The following PLEKHA6 variants were observed in gnomAD, a reference collection of about 807,000 sequenced individuals.
PLEKHA6 encodes pleckstrin homology domain containing A6.
PLEKHA6 carries 60 observed loss-of-function variants against 116.7 expected under a neutral mutation model. The ratio of observed to expected loss-of-function variants is 0.51; its 90% CI spans 0.42 to 0.64. The LOEUF is 0.64. Among genes scored for constraint, PLEKHA6 ranks in the 30% least tolerant of loss-of-function variants. The probability of loss-of-function intolerance (pLI) is 0.00; values close to 1 mark genes in which losing one functional copy is unlikely to be tolerated. For synonymous variants in PLEKHA6, 489 were observed against 556.1 expected, an observed-to-expected ratio of 0.88 and a Z score of 1.70; for missense variants, 1,338 against 1,422.7, an observed-to-expected ratio of 0.94 and a Z score of 0.96.
At chr1:204,352,545 C>A (rs1558198000) in intron 1 of PLEKHA6, among the ~76,000 whole-genome samples, 1 of 152,142 alleles carries the variant, frequency 6.6e-6, no homozygotes. Context: ...AGCTGAGACC[C>A]GGCTTAAGGT....
intron 6 of PLEKHA6, among the ~76,000 whole-genome samples, chr1:204,263,069 T>G (rs1666338512): frequency 6.6e-6 from 1 of 151,982 alleles, no homozygotes; most frequent in Admixed American, 6.6e-5. Context: ...GGGGCACCAG[T>G]CACAAGGAAG....
intron 1 of PLEKHA6, among the ~76,000 whole-genome samples, chr1:204,326,299 T>G (rs77784538): frequency 6.4e-4 from 97 of 152,240 alleles, no homozygotes; most frequent in African/African-American, 2.1e-3. Context: ...GTGAAGCTTC[T>G]CCCTCCTGCC....
chr1:204,292,531 G>T (rs927401546), intron 1 of PLEKHA6, among the ~76,000 whole-genome samples: 3 of 151,402 alleles, frequency 2.0e-5, no homozygotes, highest in Non-Finnish European at 4.4e-5. Flanking sequence ...CCTGGCTGAC[G>T]CCCACCTATG....
rs182286866 is a variant in PLEKHA6 at position 204,336,054 on chromosome 1, T to G, written c.-95+23640A>C. 6.5e-3 allele frequency among the ~76,000 whole-genome samples: 995 copies of G among 152,280 alleles called. 6 individuals carry two copies. The highest frequency in any genetic ancestry group is 0.023 in the African/African-American group (948 of 41,536). ...CTGTACCTAATTCCATCTGGTCTTC[T>G]TCTGTCTCCAGTCACCAACTCTACC... On this transcript the variant is annotated intron_variant, in intron 1 of 22. Transcript: ENST00000272203.
At chr1:204,316,478 T>C (rs757650480) in intron 1 of PLEKHA6, among the ~76,000 whole-genome samples, 4 of 152,182 alleles carry the variant, frequency 2.6e-5, no homozygotes, top group Non-Finnish European at 4.4e-5. Context: ...TTGTTCCCAG[T>C]GCCTTTGCAG....
At chr1:204,343,486 G>A (rs1426042851) in intron 1 of PLEKHA6, among the ~76,000 whole-genome samples, 1 of 152,142 alleles carries the variant, frequency 6.6e-6, no homozygotes, top group Non-Finnish European at 1.5e-5. Flanking sequence ...GAAGCCAAGT[G>A]CAAACCCAGG....
chr1:204,223,938 C>G lies in PLEKHA6; in HGVS notation c.3032-353G>C, dbSNP rs1188194881. On this transcript the variant is annotated intron_variant, in intron 21 of 22. Transcript: ENST00000272203. This position sits in a 1 kb window ranked among gnomAD's most constrained non-coding sequence, Gnocchi z 4.8. ...GTGCAGACAGAACCAGGGAGTGGTACTTTATATACGGCAGTGTCACTAATG... is the reference window on the plus strand; with the variant it reads ...GTGCAGACAGAACCAGGGAGTGGTAGTTTATATACGGCAGTGTCACTAATG... Among the ~76,000 whole-genome samples the G allele has an allele frequency of 6.6e-6, 1 of 152,196 alleles. No individual in the cohort carries two copies. The highest frequency in any genetic ancestry group is 1.5e-5 in the Non-Finnish European group (1 of 68,038).
Position 204,249,227 on chromosome 1 carries a change from A to G in PLEKHA6, c.1631T>C (p.Val544Ala), listed in dbSNP as rs141122409. ...CTGCACCAGCCGGTCCTGCTCCCTC[A>G]CCACCTTGTTCTGCTCACACAATTT... is the stretch of plus-strand genomic sequence containing the variant. ...LGKLCEQNKV[V>A]REQDRLVQQL... Residue 544 changes from valine to alanine, a missense_variant, in exon 11 of 23, where the codon GTG (valine) becomes GCG (alanine). Transcript: ENST00000272203. The G allele has an allele frequency of 6.3e-5, 102 of 1,613,822 alleles. No individual in the cohort carries two copies. In the African/African-American group the frequency reaches 1.3e-3, roughly 20 times the overall value.
chr1:204,318,986 C>T (rs993711287), intron 1 of PLEKHA6, among the ~76,000 whole-genome samples: 7 of 152,212 alleles, frequency 4.6e-5, no homozygotes, highest in African/African-American at 9.7e-5. Context: ...TCTCCATCTC[C>T]AAGTTCCTGT....
chr1:204,355,764 C>A (rs1435180918), intron 1 of PLEKHA6, among the ~76,000 whole-genome samples: 3 of 152,102 alleles, frequency 2.0e-5, no homozygotes, highest in African/African-American at 7.2e-5. Context: ...TGACTCTGCA[C>A]ACACTGCCTT....
At chr1:204,289,724 T>C (rs1196783542) in intron 1 of PLEKHA6, among the ~76,000 whole-genome samples, 1 of 152,230 alleles carries the variant, frequency 6.6e-6, no homozygotes, top group Non-Finnish European at 1.5e-5. Context: ...AAATGATCTA[T>C]GACTTAGAAC....
Position 204,274,713 on chromosome 1 carries a change from T to C in PLEKHA6, c.-14+16A>G. ...AAGGGCAGAAAGCCCAAACAGCAAG[T>C]AGGGGACACACTTACATTTTCAAGT... On this transcript the variant is annotated intron_variant, in intron 2 of 22. Coordinates refer to ENST00000272203, the MANE Select transcript of PLEKHA6 (RefSeq NM_014935.5). 3 of 985,858 alleles carry C rather than the reference T, an allele frequency of 3.0e-6. No individual in the cohort carries two copies. In the South Asian group the frequency reaches 1.4e-4, roughly 46 times the overall value. 61.1% of individuals were successfully genotyped at this position (985,858 alleles called of 1,614,324 possible).
chr1:204,245,489 G>C (rs1159644152), intron 14 of PLEKHA6, 126 bp downstream of exon 14: 8 of 637,770 alleles, frequency 1.3e-5, no homozygotes, highest in Non-Finnish European at 2.2e-5. Flanking sequence ...AGATTCTGGT[G>C]TCCCAAGAAG....
chr1:204,265,132 C>A, intron 5 of PLEKHA6, 90 bp from the exon 6 acceptor site: 1 of 861,066 alleles, frequency 1.2e-6, no homozygotes, highest in Middle Eastern at 2.3e-4. Context: ...GTTGTCCCTC[C>A]CTGATAAATA....
chr1:204,319,905 A>G (rs1409306055), intron 1 of PLEKHA6, among the ~76,000 whole-genome samples: 1 of 152,068 alleles, frequency 6.6e-6, no homozygotes, highest in Admixed American at 6.5e-5. Context: ...GGGTACCAGG[A>G]GCTCATGGTC....
chr1:204,224,309 C>T lies in PLEKHA6; in HGVS notation c.3032-724G>A, dbSNP rs374415633. ...GTGGAAGGACAATGAGAAGGGGAGA[C>T]TTATTACTGGGGACAAGCTCTATGC... is the stretch of plus-strand genomic sequence containing the variant. On this transcript the variant is annotated intron_variant, in intron 21 of 22. Transcript: ENST00000272203. Among the ~76,000 whole-genome samples, 232 of 152,026 alleles carry T rather than the reference C, an allele frequency of 1.5e-3. 1 individual carries two copies. The highest frequency in any genetic ancestry group is 5.3e-3 in the African/African-American group (219 of 41,470).
At chr1:204,363,258 G>A (rs1054626986), upstream of PLEKHA6, among the ~76,000 whole-genome samples, 2 of 152,206 alleles carry the variant, frequency 1.3e-5, no homozygotes, top group African/African-American at 4.8e-5. Flanking sequence ...TGCCCAGCCT[G>A]GAAGCACGCG....
At position 204,257,016 on chromosome 1, in the gene PLEKHA6, C is replaced by A; in HGVS notation, c.1524+337G>T. 1.7e-6 allele frequency: 1 copy of A among 581,586 alleles called. No individual in the cohort carries two copies. Among genetic ancestry groups the A allele is most frequent in the Non-Finnish European group, 3.1e-6 (1 of 327,760 alleles). The allele number at this position is 581,586 out of a possible 1,614,324, so 36.0% of individuals were successfully genotyped here. On this transcript the variant is annotated intron_variant, in intron 9 of 22. Transcript: ENST00000272203. The surrounding 1 kb of genome is among the most constrained non-coding windows in gnomAD (Gnocchi z 6.5). ...GCAGATCCCAAACTGAAATGGACAG[C>A]AGCCCCCCTTGCAATGATCTGTCCA...
chr1:204,373,086 CTTTTTTT>C (rs973883787), intron 1 of PLEKHA6, among the ~76,000 whole-genome samples: 6 of 113,432 alleles, frequency 5.3e-5, no homozygotes, highest in African/African-American at 1.5e-4. Flanking sequence ...TTTTTTCTTT[CTTTTTTT>C]TTTTTTTTTT....
Sources: allele counts gnomAD v4.1 joint callset (sites outside exome capture counted in the v4.1 genomes callset), GRCh38; gene constraint gnomAD v4.1.1; non-coding constraint Gnocchi (gnomAD v3.1); transcripts MANE v1.5; gene names NCBI Gene and HGNC (gene_info 2026-07-23, HGNC 2026-07-21).